CNTNAP2: variants seen among roughly 807,000 people sequenced by gnomAD.
The protein encoded by CNTNAP2 is contactin associated protein 2.
CNTNAP2 carries 98 observed loss-of-function variants against 155.2 expected under a neutral mutation model. The observed-to-expected ratio is 0.63, with a 90% CI of 0.54 to 0.75. The LOEUF (loss-of-function observed/expected upper bound fraction) is 0.75. Among genes scored for constraint, CNTNAP2 ranks in the 30% least tolerant of loss-of-function variants. The probability of loss-of-function intolerance (pLI) is 0.00; values close to 1 mark genes in which losing one functional copy is unlikely to be tolerated. For synonymous variants in CNTNAP2, 651 were observed against 631.2 expected, an observed-to-expected ratio of 1.03 and a Z score of -0.47; for missense variants, 1,727 against 1,688.1, an observed-to-expected ratio of 1.02 and a Z score of -0.40.
intron 10 of CNTNAP2, among the ~76,000 whole-genome samples, chr7:147,461,227 C>A (rs1798017905): frequency 6.6e-6 from 1 of 152,068 alleles, no homozygotes; most frequent in African/African-American, 2.4e-5. Flanking sequence ...CCAATAAACT[C>A]AAGTTTAGAT....
At chr7:147,349,768 G>T (rs1795938632) in intron 9 of CNTNAP2, among the ~76,000 whole-genome samples, 1 of 151,874 alleles carries the variant, frequency 6.6e-6, no homozygotes, top group African/African-American at 2.4e-5. Context: ...CATTTGGTGA[G>T]TTTAAAGTTT....
intron 4 of CNTNAP2, among the ~76,000 whole-genome samples, chr7:147,057,831 G>T (rs1799591165): frequency 6.6e-6 from 1 of 152,154 alleles, no homozygotes; most frequent in Non-Finnish European, 1.5e-5. Context: ...TCTGTTATTT[G>T]CAGAAAGCAC....
intron 15 of CNTNAP2, among the ~76,000 whole-genome samples, chr7:148,031,160 A>T (rs1218305909): frequency 6.6e-6 from 1 of 152,186 alleles, no homozygotes; most frequent in Non-Finnish European, 1.5e-5. Flanking sequence ...ACCCTTCCAC[A>T]GAGACTGAGA....
chr7:147,404,094 T>C (rs1455438360), intron 10 of CNTNAP2, among the ~76,000 whole-genome samples: 1 of 152,196 alleles, frequency 6.6e-6, no homozygotes. Flanking sequence ...TTACGCATAC[T>C]GTAGGCTTCT....
chr7:146,137,103 C>T (rs1250379592), intron 1 of CNTNAP2, among the ~76,000 whole-genome samples: 1 of 152,134 alleles, frequency 6.6e-6, no homozygotes, highest in Non-Finnish European at 1.5e-5. Context: ...TTAGGTATTT[C>T]CCAACTTTTC....
At chr7:146,706,776 G>A (rs990170732) in intron 1 of CNTNAP2, among the ~76,000 whole-genome samples, 2 of 151,988 alleles carry the variant, frequency 1.3e-5, no homozygotes, top group African/African-American at 2.4e-5. Context: ...GAGAGTGGAC[G>A]GTGGGAGCAG....
chr7:147,795,734 T>C (rs1174482393), intron 13 of CNTNAP2, among the ~76,000 whole-genome samples: 2 of 152,202 alleles, frequency 1.3e-5, no homozygotes, highest in Non-Finnish European at 2.9e-5. Flanking sequence ...GTTTTAATTC[T>C]AGCTCTGTTA....
At chr7:148,299,643 T>A (rs570298876) in intron 21 of CNTNAP2, among the ~76,000 whole-genome samples, 1 of 152,362 alleles carries the variant, frequency 6.6e-6, no homozygotes, top group East Asian at 1.9e-4. Flanking sequence ...CTCATTCCAC[T>A]GGCCTAATAA....
At chr7:146,693,181 G>A (rs1052114899) in intron 1 of CNTNAP2, among the ~76,000 whole-genome samples, 4 of 152,056 alleles carry the variant, frequency 2.6e-5, no homozygotes, top group South Asian at 2.1e-4. Context: ...TGACATATTA[G>A]CTGTGTAATA....
At chr7:147,459,818 G>A (rs997755426) in intron 10 of CNTNAP2, among the ~76,000 whole-genome samples, 15 of 152,106 alleles carry the variant, frequency 9.9e-5, no homozygotes, top group Non-Finnish European at 1.5e-4. Context: ...AGAAACAGTC[G>A]GAAACTAGCA....
intron 20 of CNTNAP2, among the ~76,000 whole-genome samples, chr7:148,253,780 T>A (rs1796412561): frequency 6.6e-6 from 1 of 152,090 alleles, no homozygotes; most frequent in South Asian, 2.1e-4. Flanking sequence ...ACAGCAGACA[T>A]CCCCAGCTGA....
intron 1 of CNTNAP2, among the ~76,000 whole-genome samples, chr7:146,671,672 C>T (rs1370349559): frequency 6.6e-6 from 1 of 151,986 alleles, no homozygotes; most frequent in Non-Finnish European, 1.5e-5. Context: ...TCCTATACAG[C>T]CTTCAGGACA....
chr7:146,184,771 G>A (rs1167605775), intron 1 of CNTNAP2, among the ~76,000 whole-genome samples: 1 of 152,170 alleles, frequency 6.6e-6, no homozygotes, highest in Non-Finnish European at 1.5e-5. Flanking sequence ...GTTGAAAGAA[G>A]TTTTGAAACA....
intron 3 of CNTNAP2, among the ~76,000 whole-genome samples, chr7:146,928,814 C>T (rs897490134): frequency 6.6e-6 from 1 of 152,230 alleles, no homozygotes; most frequent in Non-Finnish European, 1.5e-5. Context: ...GGTCCTACGC[C>T]CACGGAGTCT....
At chr7:147,515,090 G>A (rs1449260995) in intron 11 of CNTNAP2, among the ~76,000 whole-genome samples, 1 of 152,004 alleles carries the variant, frequency 6.6e-6, no homozygotes, top group Non-Finnish European at 1.5e-5. Context: ...TACTGGATGT[G>A]TTGCTGTCCC....
chr7:146,125,645 C>T (rs1459996371), intron 1 of CNTNAP2, among the ~76,000 whole-genome samples: 1 of 146,348 alleles, frequency 6.8e-6, no homozygotes, highest in African/African-American at 2.5e-5. Context: ...AAAAATAGTA[C>T]CGTGTCAGAG....
chr7:146,783,530 G>T (rs1802525048), intron 2 of CNTNAP2, among the ~76,000 whole-genome samples: 1 of 152,118 alleles, frequency 6.6e-6, no homozygotes, highest in Non-Finnish European at 1.5e-5. Flanking sequence ...TGTTATAAAT[G>T]ATAGAATGTT....
chr7:148,335,947 C>A (rs1798108511), intron 21 of CNTNAP2, among the ~76,000 whole-genome samples: 1 of 152,066 alleles, frequency 6.6e-6, no homozygotes, highest in Admixed American at 6.6e-5. Context: ...AACTAAAAGG[C>A]TTAGGAGGAA....
intron 13 of CNTNAP2, among the ~76,000 whole-genome samples, chr7:147,801,789 T>G (rs1797993053): frequency 6.6e-6 from 1 of 151,990 alleles, no homozygotes; most frequent in South Asian, 2.1e-4. Context: ...CCCTTTCCAT[T>G]CCACAAAACC....
Sources: allele counts gnomAD v4.1 joint callset (sites outside exome capture counted in the v4.1 genomes callset), GRCh38; gene constraint gnomAD v4.1.1; transcripts MANE v1.5; gene names NCBI Gene and HGNC (gene_info 2026-07-23, HGNC 2026-07-21).